CELSR2: variants seen among roughly 807,000 people sequenced by gnomAD.
CELSR2 encodes the protein cadherin EGF LAG seven-pass G-type receptor 2, also known as EGF-like protein 2.
Under a neutral mutation model 251.6 loss-of-function variants are expected in CELSR2, and 81 were observed. The ratio of observed to expected loss-of-function variants is 0.32; its 90% CI spans 0.27 to 0.39. The LOEUF (loss-of-function observed/expected upper bound fraction) is 0.39, where lower values mean the gene tolerates loss of function less well. Ranked by LOEUF, CELSR2 falls within the 10% of genes least tolerant of loss-of-function variation. CELSR2 has a pLI of 1.00. For synonymous variants in CELSR2, 1,721 were observed against 1,670.5 expected, an observed-to-expected ratio of 1.03 and a Z score of -0.74; for missense variants, 3,365 against 3,947.7, an observed-to-expected ratio of 0.85 and a Z score of 3.96.
chr1:109,266,820 A>G (rs562319534), intron 15 of CELSR2, among the ~76,000 whole-genome samples: 5 of 151,190 alleles, frequency 3.3e-5, no homozygotes, highest in Admixed American at 6.6e-5. Flanking sequence ...CACAGGTTCA[A>G]GCGATTCTCC....
intron 8 of CELSR2, 72 bp from the exon 9 acceptor site, chr1:109,263,539 C>A (rs535047953): frequency 6.4e-7 from 1 of 1,570,040 alleles, no homozygotes; most frequent in South Asian, 1.2e-5. Context: ...GCAGCCGCCA[C>A]CGCTGAGCAT....
chr1:109,267,294 G>C (rs1015266948), intron 15 of CELSR2, among the ~76,000 whole-genome samples: 8 of 152,192 alleles, frequency 5.3e-5, no homozygotes, highest in Non-Finnish European at 1.5e-5. Flanking sequence ...CAAAGTGGTG[G>C]CTGGAGACAG....
Position 109,251,020 on chromosome 1 carries a change from C to T in CELSR2, c.941C>T (p.Thr314Met), listed in dbSNP as rs1655670438. 2.5e-6 allele frequency: 4 copies of T among 1,613,292 alleles called. No individual in the cohort carries two copies. Among genetic ancestry groups the T allele is most frequent in the African/African-American group, 1.3e-5 (1 of 74,918 alleles). The stretch of plus-strand genomic sequence containing the variant: ...TATGAGGTGCTCACTGTCAGGGCCA[C>T]GGATGGTGATGCCCCTCCCAATGCC... ...VGYEVLTVRA[T>M]DGDAPPNANI... The change falls in exon 1 of 34, where the codon ACG becomes ATG. Residue 314 changes from threonine to methionine, a missense_variant. Thr to Met is a moderately conservative substitution (Grantham distance 81). Transcript: ENST00000271332. This position sits in a 1 kb window ranked among gnomAD's most constrained non-coding sequence, Gnocchi z 4.9.
Position 109,250,652 on chromosome 1 carries a change from G to A in CELSR2, c.573G>A (p.Pro191=), listed in dbSNP as rs377375486. ...CCCCCAGCTACCAGGCCACAGTGCC[G>A]GAGAACCAGCCAGCAGGCACCCCTG... is the stretch of plus-strand genomic sequence containing the variant. ...FQPPSYQATV[P]ENQPAGTPVA... The change falls in exon 1 of 34, where the codon CCG becomes CCA. Residue 191 remains proline, a synonymous_variant. Coordinates refer to ENST00000271332, the MANE Select transcript of CELSR2 (RefSeq NM_001408.3). The surrounding 1 kb of genome is among the most constrained non-coding windows in gnomAD (Gnocchi z 4.4). 150 of 1,614,036 alleles carry A rather than the reference G, an allele frequency of 9.3e-5. No individual in the cohort carries two copies. Among genetic ancestry groups the A allele is most frequent in the Non-Finnish European group, 7.8e-5 (92 of 1,180,020 alleles).
At chr1:109,265,407 T>A in intron 13 of CELSR2, 96 bp downstream of exon 13, 3 of 1,354,620 alleles carry the variant, frequency 2.2e-6, no homozygotes, top group South Asian at 1.4e-5. Context: ...GGTCTTCCTG[T>A]AGAGCTGAGG....
chr1:109,273,114 C>G (rs569972078), intron 31 of CELSR2, 52 bp from the exon 32 acceptor site: 1 of 1,596,660 alleles, frequency 6.3e-7, no homozygotes, highest in East Asian at 2.2e-5. Flanking sequence ...GGGGTGGTGG[C>G]CTCCTGGCTA....
chr1:109,270,645 C>A, intron 24 of CELSR2, 45 bp downstream of exon 24: 2 of 1,597,108 alleles, frequency 1.3e-6, no homozygotes, highest in South Asian at 1.1e-5. Context: ...ATCCCTGGGT[C>A]CACCTTTGTG....
At chr1:109,268,523 T>C in intron 17 of CELSR2, 58 bp from the exon 18 acceptor site, 1 of 1,538,286 alleles carries the variant, frequency 6.5e-7, no homozygotes. Context: ...CGGGGCTCCA[T>C]GGTGGGGATG....
chr1:109,252,078 G>A lies in CELSR2; in HGVS notation c.1999G>A (p.Val667Ile), dbSNP rs749362180. 7.4e-6 allele frequency: 12 copies of A among 1,613,988 alleles called. No homozygotes were observed. The Admixed American group carries it at 2.0e-4, about 27-fold the overall frequency. The part of the protein sequence containing the change: ...SITSQSGGGL[V>I]SLALPLDYKL... ...CACCAGCCAAAGTGGTGGTGGGCTGGTATCCCTTGCCCTGCCACTGGACTA... is the reference window on the plus strand; with the variant it reads ...CACCAGCCAAAGTGGTGGTGGGCTGATATCCCTTGCCCTGCCACTGGACTA... Residue 667 changes from valine to isoleucine, a missense_variant, in exon 1 of 34, where the codon GTA becomes ATA. Coordinates refer to ENST00000271332, the MANE Select transcript of CELSR2 (RefSeq NM_001408.3). The surrounding 1 kb of genome is among the most constrained non-coding windows in gnomAD (Gnocchi z 4.8).
Position 109,252,526 on chromosome 1 carries a change from T to C in CELSR2, c.2447T>C (p.Leu816Pro). Reference protein sequence around the residue: ...NDVNDNAPQFLRDSYQGSVYE... With the variant: ...NDVNDNAPQFPRDSYQGSVYE... ...GTGAATGACAATGCCCCTCAGTTCC[T>C]GCGAGACTCCTACCAGGGCAGTGTC... The change falls in exon 1 of 34, where the codon CTG becomes CCG. Residue 816 changes from leucine (L) to proline (P), a missense_variant. This residue lies in a region of CELSR2 where 505 missense variants were observed against 660.0 expected (regional missense o/e 0.77). Coordinates refer to ENST00000271332, the MANE Select transcript of CELSR2 (RefSeq NM_001408.3). This position sits in a 1 kb window ranked among gnomAD's most constrained non-coding sequence, Gnocchi z 4.8. 1 of 1,613,904 alleles carries C rather than the reference T, an allele frequency of 6.2e-7. No individual in the cohort carries two copies. Among genetic ancestry groups the C allele is most frequent in the Non-Finnish European group, 8.5e-7 (1 of 1,180,026 alleles).
intron 1 of CELSR2, 129 bp from the exon 2 acceptor site, chr1:109,258,303 A>G (rs1382070557): frequency 1.6e-6 from 1 of 621,944 alleles, no homozygotes; most frequent in Non-Finnish European, 2.8e-6. Context: ...TGATTGGCCC[A>G]CACGTGACAT....
chr1:109,269,647 G>A lies in CELSR2; in HGVS notation c.6981-47G>A. On this transcript the variant is annotated intron_variant, in intron 21 of 33. Transcript: ENST00000271332. This position sits in a 1 kb window ranked among gnomAD's most constrained non-coding sequence, Gnocchi z 6.4. ...CTTCGGGCTGAAAGTCCAGGCCCCT[G>A]CATGCCTCACCCTCCTTGTCTCCCT... 6.2e-7 allele frequency: 1 copy of A among 1,613,674 alleles called. No homozygotes were observed. The highest frequency in any genetic ancestry group is 8.5e-7 in the Non-Finnish European group (1 of 1,179,692).
rs894102886 is a variant in CELSR2 at position 109,267,923 on chromosome 1, A to G, written c.6181A>G (p.Asn2061Asp). ...CCAGCAGCTAGCCCTGCTCCTGCGC[A>G]ACGCCACGCAGCACACAGCTGGCTA... ...RSQQLALLLR[N>D]ATQHTAGYFG... The change falls in exon 17 of 34, where the codon AAC becomes GAC. Residue 2061 changes from asparagine (N) to aspartate (D), a missense_variant. By Grantham distance (23) the Asn-to-Asp change is conservative. Transcript: ENST00000271332. The G allele has an allele frequency of 3.1e-6, 5 of 1,611,510 alleles. No homozygotes were observed. Among genetic ancestry groups the G allele is most frequent in the Admixed American group, 3.3e-5 (2 of 60,004 alleles).
chr1:109,253,335 C>T lies in CELSR2; in HGVS notation c.3256C>T (p.Arg1086Cys), dbSNP rs1236762755. 9.3e-6 allele frequency: 15 copies of T among 1,613,288 alleles called. No individual in the cohort carries two copies. Among genetic ancestry groups the T allele is most frequent in the African/African-American group, 8.0e-5 (6 of 74,930 alleles). The change falls in exon 1 of 34, where the codon CGC (arginine) becomes TGC (cysteine). Residue 1086 changes from arginine to cysteine, a missense_variant. Arg to Cys is a radical substitution (Grantham distance 180). Transcript: ENST00000271332. Reference protein sequence around the residue: ...NASTGELKLSRALDNNRPLEA... With the variant: ...NASTGELKLSCALDNNRPLEA... ...CTCCACGGGTGAGCTGAAGCTAAGC[C>T]GCGCACTGGACAACAACCGGCCTCT...
intron 1 of CELSR2, among the ~76,000 whole-genome samples, 199 bp downstream of exon 1, chr1:109,253,588 T>TGCTGG (rs1208356478): frequency 2.0e-5 from 3 of 152,246 alleles, no homozygotes; most frequent in Admixed American, 1.3e-4. Context: ...CCCCACCTTC[T>TGCTGG]GCTGGGCTGG....
At position 109,273,565 on chromosome 1, in the gene CELSR2, C is replaced by G. The variant is rs763862218; in HGVS notation, c.8639C>G (p.Pro2880Arg). 5.7e-6 allele frequency: 9 copies of G among 1,567,114 alleles called. No homozygotes were observed. The East Asian group carries it at 1.9e-4, about 33-fold the overall frequency. The change falls in exon 33 of 34, where the codon CCC becomes CGC. Residue 2880 changes from proline (P) to arginine (R), a missense_variant. Transcript: ENST00000271332. ...GAGGGCAGCCGGGGAGGCCCCCCTC[C>G]CCGCCCACCGCCCCGGCAGAGCCTC... Reference protein sequence around the residue: ...ASEGSRGGPPPRPPPRQSLQE... With the variant: ...ASEGSRGGPPRRPPPRQSLQE...
At chr1:109,273,378 A>T (rs952836770) in intron 32 of CELSR2, 42 bp downstream of exon 32, 1 of 1,607,900 alleles carries the variant, frequency 6.2e-7, no homozygotes, top group Non-Finnish European at 8.5e-7. Flanking sequence ...CCTAGTCAGC[A>T]GCCTCATACC....
In CELSR2 at chr1:109,251,369, C is replaced by T. The variant is rs1336765325; in HGVS notation, c.1290C>T (p.Ser430=). The change falls in exon 1 of 34, where the codon AGC becomes AGT. Residue 430 remains serine, a synonymous_variant. Transcript: ENST00000271332. The surrounding 1 kb of genome is among the most constrained non-coding windows in gnomAD (Gnocchi z 4.9). ...CAGCCTCGGATCGAGACAAGGGGAG[C>T]AATGCCGTGGTGCACTATAGCATCA... ...RVTASDRDKG[S]NAVVHYSIMS... is the part of the protein sequence containing the mutation. 1 of 1,614,096 alleles carries T rather than the reference C, an allele frequency of 6.2e-7. No homozygotes were observed. Among genetic ancestry groups the T allele is most frequent in the Non-Finnish European group, 8.5e-7 (1 of 1,180,030 alleles).
At position 109,274,199 on chromosome 1, in the gene CELSR2, C is replaced by T. The variant is rs543165327; in HGVS notation, c.*150C>T. On this transcript the variant is annotated 3_prime_UTR_variant, in exon 34 of 34. Transcript: ENST00000271332. ...TCCATCTGAGGAGCCTGGGCCTTGC[C>T]GGGAGGGGTACTCACCCCACCTAAG... 34 of 1,561,490 alleles carry T rather than the reference C, an allele frequency of 2.2e-5. No individual in the cohort carries two copies. Among genetic ancestry groups the T allele is most frequent in the South Asian group, 1.4e-4 (12 of 86,162 alleles).
Sources: gnomAD v4.1 joint callset for allele counts (sites outside exome capture counted in the v4.1 genomes callset) on GRCh38, gnomAD v4.1.1 for gene constraint, gnomAD v4.1.1 regional missense constraint, Gnocchi (gnomAD v3.1) non-coding constraint, MANE v1.5 for transcripts, NCBI Gene and HGNC (gene_info 2026-07-23, HGNC 2026-07-21) for gene names.